Variants in AXDND1 observed in about 807,000 individuals in gnomAD.
AXDND1 encodes axonemal dynein light chain domain containing 1, also known as axonemal dynein light chain domain-containing protein 1.
A neutral mutation model predicts 137.5 loss-of-function variants in AXDND1; 110 were observed. The observed-to-expected ratio is 0.80, with a 90% CI of 0.69 to 0.94. AXDND1 has a LOEUF of 0.94. Among genes scored for constraint, AXDND1 ranks in the 40% least tolerant of loss-of-function variants. The pLI is 0.00. For synonymous variants in AXDND1, 414 were observed against 399.7 expected (o/e 1.04, Z -0.43); for missense variants, 1,191 against 1,169.8 (o/e 1.02, Z -0.26).
At chr1:179,454,189 C>T (rs1660950542) in intron 16 of AXDND1, 1 of 152,132 alleles carries the variant, frequency 6.6e-6, no homozygotes, top group Non-Finnish European at 1.5e-5. Flanking sequence ...GTGGGAGGGA[C>T]CCAGTGGGAG....
chr1:179,445,344 G>T, intron 16 of AXDND1, 140 bp downstream of exon 16: 1 of 610,306 alleles, frequency 1.6e-6, no homozygotes, highest in East Asian at 2.9e-5. Context: ...AAAGCATTGA[G>T]CATCACTTTG....
At chr1:179,495,842 A>T (rs1667384941) in intron 20 of AXDND1, among the ~76,000 whole-genome samples, 1 of 149,286 alleles carries the variant, frequency 6.7e-6, no homozygotes, top group Non-Finnish European at 1.5e-5. Flanking sequence ...TTTTTTATAG[A>T]TACCCTTTAT....
At chr1:179,467,914 A>G (rs999778604) in intron 16 of AXDND1, among the ~76,000 whole-genome samples, 2 of 152,224 alleles carry the variant, frequency 1.3e-5, no homozygotes, top group South Asian at 2.1e-4. Context: ...CCATAATCTC[A>G]TAGTGAATCA....
intron 16 of AXDND1, chr1:179,456,760 T>A (rs538073941): frequency 1.3e-6 from 1 of 782,618 alleles, no homozygotes; most frequent in Admixed American, 1.7e-5. Flanking sequence ...CTTTGACCTC[T>A]TTGGCTGGAT....
rs1571882821 is a variant in AXDND1, at chr1:179,449,988, A to ATTCTTTTTTTTTTTTTTTTTTTTTTTTTT, written c.1798+4786_1798+4787insCTTTTTTTTTTTTTTTTTTTTTTTTTTTT. The ATTCTTTTTTTTTTTTTTTTTTTTTTTTTT allele has an allele frequency of 7.6e-5, 5 of 65,370 alleles. 2 individuals are homozygous for ATTCTTTTTTTTTTTTTTTTTTTTTTTTTT. The highest frequency in any genetic ancestry group is 1.2e-4 in the African/African-American group (2 of 16,116). The allele number at this position is 65,370 out of a possible 1,614,324, so 4.0% of individuals were successfully genotyped here. ...TTTTACTAGTTTCTTGCCAATCTGGATTTTTTTTTTTTTTTTTTTTTTTTT... is the reference window on the plus strand; with the variant it reads ...TTTTACTAGTTTCTTGCCAATCTGGATTCTTTTTTTTTTTTTTTTTTTTTTTTTTTTTTTTTTTTTTTTTTTTTTTTTTT... On this transcript the variant is annotated intron_variant, in intron 16 of 25. Coordinates refer to ENST00000367618, the MANE Select transcript of AXDND1 (RefSeq NM_144696.6).
At chr1:179,383,271 A>G (rs528635205) in intron 7 of AXDND1, among the ~76,000 whole-genome samples, 171 bp from the exon 8 acceptor site, 111 of 152,146 alleles carry the variant, frequency 7.3e-4, no homozygotes, top group Admixed American at 2.0e-3. Flanking sequence ...CCTTTTTTCT[A>G]CTATATTATT....
intron 12 of AXDND1, among the ~76,000 whole-genome samples, chr1:179,423,798 A>G (rs1423461412): frequency 6.6e-6 from 1 of 152,190 alleles, no homozygotes; most frequent in African/African-American, 2.4e-5. Context: ...TATATTAACC[A>G]TCTCTTAACA....
chr1:179,447,517 C>T (rs1659908147), intron 16 of AXDND1: 5 of 585,022 alleles, frequency 8.5e-6, no homozygotes, highest in African/African-American at 1.9e-5. Flanking sequence ...ACAGTTGGCG[C>T]AGAAAATTCC....
intron 16 of AXDND1, among the ~76,000 whole-genome samples, chr1:179,458,694 A>G (rs1023598390): frequency 2.6e-5 from 4 of 152,086 alleles, no homozygotes; most frequent in Non-Finnish European, 5.9e-5. Context: ...TTGTTAAAAT[A>G]CAGCATATTC....
intron 15 of AXDND1, among the ~76,000 whole-genome samples, chr1:179,435,453 A>G (rs977178170): frequency 1.3e-5 from 2 of 152,200 alleles, no homozygotes; most frequent in Admixed American, 1.3e-4. Context: ...CTACAAGATG[A>G]CAGTAACCAA....
At chr1:179,542,381 G>T (rs568744377) in intron 25 of AXDND1, among the ~76,000 whole-genome samples, 1 of 152,032 alleles carries the variant, frequency 6.6e-6, no homozygotes. Context: ...CCAACTGCTC[G>T]CAGCCCCTGG....
intron 21 of AXDND1, among the ~76,000 whole-genome samples, chr1:179,510,170 T>C (rs1473998556): frequency 6.6e-6 from 1 of 152,228 alleles, no homozygotes; most frequent in Non-Finnish European, 1.5e-5. Context: ...CTTGGCTTGC[T>C]TTCACTTCTC....
At chr1:179,375,407 A>G (rs1668490687) in intron 4 of AXDND1, among the ~76,000 whole-genome samples, 1 of 151,906 alleles carries the variant, frequency 6.6e-6, no homozygotes, top group African/African-American at 2.4e-5. Flanking sequence ...CCCGGCCCCA[A>G]CATATTCTTT....
At chr1:179,393,476 T>C (rs1213690803) in intron 9 of AXDND1, among the ~76,000 whole-genome samples, 2 of 149,688 alleles carry the variant, frequency 1.3e-5, no homozygotes, top group East Asian at 1.9e-4. Context: ...ATATGAATTT[T>C]AGGATTTTTT....
intron 11 of AXDND1, 51 bp from the exon 12 acceptor site, chr1:179,411,095 C>T: frequency 7.2e-7 from 1 of 1,384,822 alleles, no homozygotes; most frequent in Non-Finnish European, 9.8e-7. Context: ...ATATATGTGT[C>T]TATATTGTTA....
intron 17 of AXDND1, among the ~76,000 whole-genome samples, chr1:179,479,312 A>G (rs1488952598): frequency 1.3e-5 from 2 of 150,790 alleles, no homozygotes; most frequent in Non-Finnish European, 3.0e-5. Flanking sequence ...CCCTGTCTCT[A>G]CTAAAATACA....
intron 20 of AXDND1, among the ~76,000 whole-genome samples, chr1:179,501,064 G>A (rs1667949949): frequency 6.6e-6 from 1 of 152,198 alleles, no homozygotes; most frequent in East Asian, 1.9e-4. Context: ...GATCATATTG[G>A]ACCACACATA....
chr1:179,503,233 C>T (rs1387024885), intron 20 of AXDND1, among the ~76,000 whole-genome samples: 2 of 152,042 alleles, frequency 1.3e-5, no homozygotes, highest in Non-Finnish European at 2.9e-5. Flanking sequence ...GAGCAATTCT[C>T]TCTTTAAACT....
At chr1:179,525,722 G>A (rs915451794) in intron 22 of AXDND1, among the ~76,000 whole-genome samples, 1 of 151,824 alleles carries the variant, frequency 6.6e-6, no homozygotes, top group South Asian at 2.1e-4. Context: ...GTCTTGAACT[G>A]GTCTCAAGCG....
Sources: allele counts gnomAD v4.1 joint callset (sites outside exome capture counted in the v4.1 genomes callset), GRCh38; gene constraint gnomAD v4.1.1; transcripts MANE v1.5; gene names NCBI Gene and HGNC (gene_info 2026-07-23, HGNC 2026-07-21).